NEGR1: variants seen among roughly 807,000 people sequenced by gnomAD.
The protein encoded by NEGR1 is neuronal growth regulator 1, also known as IgLON family member 4.
Under a neutral mutation model 40.9 loss-of-function variants are expected in NEGR1, and 10 were observed. That is an observed-to-expected ratio of 0.24 (90% confidence interval 0.15 to 0.42). NEGR1 has a LOEUF of 0.42. NEGR1 is among the 10% of genes least tolerant of loss of function. The probability of loss-of-function intolerance (pLI) is 1.00; values close to 1 mark genes in which losing one functional copy is unlikely to be tolerated. For synonymous variants in NEGR1, 185 were observed against 166.8 expected (o/e 1.11, Z -0.84); for missense variants, 352 against 438.9 (o/e 0.80, Z 1.77).
intron 6 of NEGR1, among the ~76,000 whole-genome samples, chr1:71,533,530 A>T (rs1264870746): frequency 6.6e-6 from 1 of 151,680 alleles, no homozygotes; most frequent in African/African-American, 2.4e-5. Flanking sequence ...ACATATACAC[A>T]CAAACATGTA....
At chr1:71,557,953 G>A (rs1648306682) in intron 6 of NEGR1, among the ~76,000 whole-genome samples, 1 of 151,342 alleles carries the variant, frequency 6.6e-6, no homozygotes, top group Admixed American at 6.6e-5. Flanking sequence ...AGCACTGGTT[G>A]GATTTTTGCA....
chr1:71,898,979 A>ATAGC (rs1661062249), intron 2 of NEGR1, among the ~76,000 whole-genome samples: 1 of 28,500 alleles, frequency 3.5e-5, no homozygotes, highest in Non-Finnish European at 5.8e-5. Context: ...ATATATATAT[A>ATAGC]GCATATATAT....
intron 1 of NEGR1, among the ~76,000 whole-genome samples, chr1:72,208,134 G>A (rs1314856772): frequency 6.6e-6 from 1 of 151,614 alleles, no homozygotes; most frequent in African/African-American, 2.4e-5. Flanking sequence ...AGAATGTATG[G>A]CTAGCAGTAA....
At chr1:71,812,488 AGTT>A (rs1260941928) in intron 2 of NEGR1, among the ~76,000 whole-genome samples, 1 of 152,074 alleles carries the variant, frequency 6.6e-6, no homozygotes, top group Non-Finnish European at 1.5e-5. Flanking sequence ...CTTCCACAAT[AGTT>A]GAACTAATTT....
At chr1:71,448,767 C>G (rs535867964) in intron 6 of NEGR1, among the ~76,000 whole-genome samples, 1 of 152,226 alleles carries the variant, frequency 6.6e-6, no homozygotes, top group South Asian at 2.1e-4. Flanking sequence ...TGCTCCTCAA[C>G]TTAGATGTAA....
chr1:71,882,427 C>A (rs983781870), intron 2 of NEGR1, among the ~76,000 whole-genome samples: 1 of 151,938 alleles, frequency 6.6e-6, no homozygotes, highest in Non-Finnish European at 1.5e-5. Flanking sequence ...GAACTGCCCA[C>A]GTGGTTTGAG....
chr1:72,130,627 T>C (rs1430003316), intron 1 of NEGR1, among the ~76,000 whole-genome samples: 1 of 152,156 alleles, frequency 6.6e-6, no homozygotes, highest in Non-Finnish European at 1.5e-5. Context: ...GTGACTCCAG[T>C]CACGTGCTTG....
At chr1:72,258,072 A>C (rs949424291) in intron 1 of NEGR1, among the ~76,000 whole-genome samples, 1 of 152,184 alleles carries the variant, frequency 6.6e-6, no homozygotes, top group African/African-American at 2.4e-5. Context: ...CCTAATCTCC[A>C]TTCATGCCGG....
intron 3 of NEGR1, among the ~76,000 whole-genome samples, chr1:71,763,920 C>A (rs1342305103): frequency 1.3e-5 from 2 of 152,114 alleles, no homozygotes; most frequent in Non-Finnish European, 2.9e-5. Context: ...CAAAGAGGAG[C>A]ATTCATTGGT....
chr1:72,005,595 T>A (rs2100390564), intron 1 of NEGR1, among the ~76,000 whole-genome samples: 1 of 152,324 alleles, frequency 6.6e-6, no homozygotes, highest in South Asian at 2.1e-4. Flanking sequence ...AAAATTTTGG[T>A]CCAAATAGCT....
At chr1:72,151,247 AT>A (rs1651114188) in intron 1 of NEGR1, among the ~76,000 whole-genome samples, 1 of 151,378 alleles carries the variant, frequency 6.6e-6, no homozygotes, top group African/African-American at 2.4e-5. Context: ...CTCATTTTAA[AT>A]TTAATAAATA....
intron 3 of NEGR1, 101 bp downstream of exon 3, chr1:71,776,071 C>G (rs942235892): frequency 3.2e-6 from 2 of 634,672 alleles, no homozygotes; most frequent in African/African-American, 3.8e-5. Context: ...GAATAAAATA[C>G]AAAAAATTAA....
At chr1:71,647,179 C>A (rs1351202896) in intron 4 of NEGR1, among the ~76,000 whole-genome samples, 4 of 151,770 alleles carry the variant, frequency 2.6e-5, no homozygotes, top group Non-Finnish European at 5.9e-5. Flanking sequence ...AACCTTTATT[C>A]AGCCCTGAGC....
At chr1:71,428,675 A>G (rs1015077816) in intron 6 of NEGR1, among the ~76,000 whole-genome samples, 1 of 149,098 alleles carries the variant, frequency 6.7e-6, no homozygotes, top group African/African-American at 2.4e-5. Flanking sequence ...TAATAAATAA[A>G]TTTATTTTAT....
At chr1:72,219,725 C>A (rs2100479661) in intron 1 of NEGR1, among the ~76,000 whole-genome samples, 1 of 152,102 alleles carries the variant, frequency 6.6e-6, no homozygotes, top group South Asian at 2.1e-4. Flanking sequence ...TATTATCAAT[C>A]CCAAATTTGA....
chr1:71,815,657 G>A (rs368829811), intron 2 of NEGR1, among the ~76,000 whole-genome samples: 9 of 152,042 alleles, frequency 5.9e-5, no homozygotes, highest in South Asian at 2.1e-4. Flanking sequence ...TTACCATTAT[G>A]TATTACCCTT....
chr1:72,151,953 G>A (rs1257974444), intron 1 of NEGR1, among the ~76,000 whole-genome samples: 1 of 151,694 alleles, frequency 6.6e-6, no homozygotes, highest in Non-Finnish European at 1.5e-5. Flanking sequence ...ATTTGGATTT[G>A]TTTCTCTTAA....
At chr1:71,977,517 T>C (rs1008747683) in intron 1 of NEGR1, among the ~76,000 whole-genome samples, 1 of 152,096 alleles carries the variant, frequency 6.6e-6, no homozygotes, top group Non-Finnish European at 1.5e-5. Context: ...TCAACAATGA[T>C]TTTTTAGATG....
chr1:71,848,998 G>A (rs1254970470), intron 2 of NEGR1, among the ~76,000 whole-genome samples: 1 of 152,016 alleles, frequency 6.6e-6, no homozygotes, highest in Non-Finnish European at 1.5e-5. Context: ...GCTGAGGCAG[G>A]AGAATTGCTT....
Sources: allele counts gnomAD v4.1 joint callset (sites outside exome capture counted in the v4.1 genomes callset), GRCh38; gene constraint gnomAD v4.1.1; transcripts MANE v1.5; gene names NCBI Gene and HGNC (gene_info 2026-07-23, HGNC 2026-07-21).